SPTLC3: variants seen among roughly 807,000 people sequenced by gnomAD.
SPTLC3 encodes the protein serine palmitoyltransferase long chain base subunit 3.
SPTLC3 carries 36 observed loss-of-function variants against 59.3 expected under a neutral mutation model. The ratio of observed to expected loss-of-function variants is 0.61; its 90% CI spans 0.47 to 0.80. The LOEUF is 0.80. SPTLC3 is among the 30% of genes least tolerant of loss of function. The pLI is 0.00. For missense variants in SPTLC3, 625 were observed against 685.1 expected, an observed-to-expected ratio of 0.91 and a Z score of 0.98; for synonymous variants, 257 against 240.8, an observed-to-expected ratio of 1.07 and a Z score of -0.62.
At chr20:13,073,048 T>C (rs1233174381) in intron 3 of SPTLC3, among the ~76,000 whole-genome samples, 1 of 152,216 alleles carries the variant, frequency 6.6e-6, no homozygotes, top group Non-Finnish European at 1.5e-5. Flanking sequence ...TATTTGTCTT[T>C]TTTTATGCCA....
chr20:13,092,452 G>A (rs182983044), intron 5 of SPTLC3, among the ~76,000 whole-genome samples: 2 of 152,280 alleles, frequency 1.3e-5, no homozygotes, highest in African/African-American at 4.8e-5. Flanking sequence ...AACATCAAAC[G>A]AATGATAATG....
intron 1 of SPTLC3, among the ~76,000 whole-genome samples, chr20:13,027,474 A>C (rs943571953): frequency 2.2e-5 from 3 of 135,948 alleles, no homozygotes; most frequent in Non-Finnish European, 5.0e-5. Flanking sequence ...ATAATGCCAG[A>C]CACAGACACG....
At chr20:13,009,498 A>G (rs1985117947) in intron 1 of SPTLC3, 114 bp downstream of exon 1, 2 of 969,606 alleles carry the variant, frequency 2.1e-6, no homozygotes, top group South Asian at 1.6e-5. Context: ...GGGTTTTTAC[A>G]TGTTTTGACT....
chr20:13,102,080 G>C (rs553931412), intron 6 of SPTLC3, among the ~76,000 whole-genome samples: 1 of 152,278 alleles, frequency 6.6e-6, no homozygotes, highest in South Asian at 2.1e-4. Flanking sequence ...GGAAGAAAAA[G>C]AAGGCCAGTG....
intron 6 of SPTLC3, among the ~76,000 whole-genome samples, chr20:13,101,877 C>T (rs547217685): frequency 4.1e-4 from 63 of 152,202 alleles, no homozygotes; most frequent in African/African-American, 1.4e-3. Context: ...CTCAGAGCAG[C>T]GAGACTGCAG....
At chr20:13,117,944 A>G (rs931351228) in intron 8 of SPTLC3, among the ~76,000 whole-genome samples, 1 of 152,208 alleles carries the variant, frequency 6.6e-6, no homozygotes, top group African/African-American at 2.4e-5. Flanking sequence ...TGATCACACT[A>G]TAATGAAATG....
At chr20:13,162,790 A>G (rs1358456453) in intron 11 of SPTLC3, among the ~76,000 whole-genome samples, 2 of 152,166 alleles carry the variant, frequency 1.3e-5, no homozygotes, top group African/African-American at 2.4e-5. Context: ...CATCCAACCC[A>G]GAACTGGTCC....
At position 13,164,853 on chromosome 20, in the gene SPTLC3, G is replaced by A; in HGVS notation, c.1645G>A (p.Glu549Lys). 6.2e-7 allele frequency: 1 copy of A among 1,613,006 alleles called. No homozygotes were observed. The highest frequency in any genetic ancestry group is 8.5e-7 in the Non-Finnish European group (1 of 1,179,468). Residue 549 changes from glutamate to lysine, a missense_variant, in exon 12 of 12, where the codon GAA becomes AAA. Physicochemically the swap from Glu to Lys is moderately conservative, Grantham distance 56 (BLOSUM62 1). Transcript: ENST00000399002. ...TGAGCTCTATGATGAGACGAGCTTT[G>A]AACTCGAAGATTAAGTTTCCTGGTC... The part of the protein sequence containing the change: ...RPELYDETSF[E>K]LED
chr20:13,015,483 A>G (rs1298018932), intron 1 of SPTLC3, among the ~76,000 whole-genome samples: 6 of 152,190 alleles, frequency 3.9e-5, no homozygotes, highest in Admixed American at 2.0e-4. Flanking sequence ...AATGCTACTG[A>G]GGGACATGAA....
chr20:13,143,188 G>T (rs4813117), intron 9 of SPTLC3, among the ~76,000 whole-genome samples: 28,553 of 152,132 alleles, frequency 0.19, 3,497 homozygotes, highest in South Asian at 0.43. Flanking sequence ...GAAGGAGACC[G>T]GGATGGCCAG....
intron 11 of SPTLC3, among the ~76,000 whole-genome samples, chr20:13,161,386 G>T (rs1403257900): frequency 6.6e-6 from 1 of 152,184 alleles, no homozygotes; most frequent in Non-Finnish European, 1.5e-5. Flanking sequence ...AGGAGAGTAT[G>T]CAAAGCTGGA....
At chr20:13,113,267 C>G (rs1990344930) in intron 7 of SPTLC3, among the ~76,000 whole-genome samples, 1 of 152,198 alleles carries the variant, frequency 6.6e-6, no homozygotes, top group Admixed American at 6.5e-5. Context: ...CACAAATGCA[C>G]TCCTACTTTT....
intron 7 of SPTLC3, among the ~76,000 whole-genome samples, chr20:13,115,106 G>T (rs1990459928): frequency 6.6e-6 from 1 of 151,858 alleles, no homozygotes; most frequent in Non-Finnish European, 1.5e-5. Flanking sequence ...AGAATAAATT[G>T]CTGTTCTTGT....
intron 6 of SPTLC3, among the ~76,000 whole-genome samples, chr20:13,105,195 G>A (rs1042480681): frequency 1.3e-5 from 2 of 152,066 alleles, no homozygotes; most frequent in African/African-American, 2.4e-5. Flanking sequence ...AATCCAGGCC[G>A]AGCGCAGTCT....
intron 4 of SPTLC3, among the ~76,000 whole-genome samples, chr20:13,087,742 G>C (rs1204647133): frequency 6.6e-6 from 1 of 152,162 alleles, no homozygotes; most frequent in Non-Finnish European, 1.5e-5. Flanking sequence ...CTCACACACA[G>C]TATCTGCACC....
Position 13,164,891 on chromosome 20 carries a change from T to C in SPTLC3, c.*24T>C. On this transcript the variant is annotated 3_prime_UTR_variant, in exon 12 of 12. Coordinates refer to ENST00000399002, the MANE Select transcript of SPTLC3 (RefSeq NM_018327.4). ...AAGTTTCCTGGTCCTGAATGACACA[T>C]AAAGACTTTGCGAGAAAGACCTCCC... 1 of 1,590,476 alleles carries C rather than the reference T, an allele frequency of 6.3e-7. No homozygotes were observed. Among genetic ancestry groups the C allele is most frequent in the African/African-American group, 1.3e-5 (1 of 74,348 alleles).
At chr20:13,026,747 C>T (rs1442496357) in intron 1 of SPTLC3, among the ~76,000 whole-genome samples, 2 of 152,190 alleles carry the variant, frequency 1.3e-5, no homozygotes, top group South Asian at 2.1e-4. Context: ...CTGCTCTTGG[C>T]GGTTACCATT....
intron 4 of SPTLC3, among the ~76,000 whole-genome samples, chr20:13,088,188 A>G (rs1346244862): frequency 1.3e-5 from 2 of 152,198 alleles, no homozygotes; most frequent in East Asian, 3.9e-4. Context: ...ATTCCCAAAT[A>G]TCAGTTTCTC....
intron 5 of SPTLC3, 96 bp downstream of exon 5, chr20:13,091,303 G>A (rs560943957): frequency 3.5e-5 from 52 of 1,476,204 alleles, no homozygotes; most frequent in East Asian, 4.8e-5. Context: ...AGATGGGCAC[G>A]GTGGTTCACG....
Sources: gnomAD v4.1 joint callset for allele counts (sites outside exome capture counted in the v4.1 genomes callset) on GRCh38, gnomAD v4.1.1 for gene constraint, MANE v1.5 for transcripts, NCBI Gene and HGNC (gene_info 2026-07-23, HGNC 2026-07-21) for gene names.